The following ZNF138 variants were observed in gnomAD, a reference collection of about 807,000 sequenced individuals.
The protein encoded by ZNF138 is zinc finger protein 138 (clone pHZ-32).
A neutral mutation model predicts 33.0 loss-of-function variants in ZNF138; 33 were observed. The observed-to-expected ratio is 1.00, with a 90% CI of 0.76 to 1.34. The LOEUF (loss-of-function observed/expected upper bound fraction) is 1.34. Among genes scored for constraint, ZNF138 ranks in the 40% most tolerant of loss-of-function variants. The probability of loss-of-function intolerance (pLI) is 0.00; values close to 1 mark genes in which losing one functional copy is unlikely to be tolerated. For synonymous variants in ZNF138, 139 were observed against 120.4 expected, an observed-to-expected ratio of 1.15 and a Z score of -1.01; for missense variants, 360 against 370.8, an observed-to-expected ratio of 0.97 and a Z score of 0.24.
the ZNF138 span, among the ~76,000 whole-genome samples, chr7:64,843,904 G>A: frequency 7.2e-5 from 11 of 151,800 alleles, no homozygotes; most frequent in African/African-American, 1.9e-4. Context: ...GGCTCACTGC[G>A]TCCTTCACCT....
chr7:64,829,952 A>T (rs1789943942), intron 3 of ZNF138, among the ~76,000 whole-genome samples: 1 of 152,138 alleles, frequency 6.6e-6, no homozygotes, highest in Admixed American at 6.5e-5. Context: ...TTTGATATGT[A>T]GCACAAATGG....
chr7:64,809,788 G>A (rs1394766943), intron 1 of ZNF138, among the ~76,000 whole-genome samples: 2 of 140,070 alleles, frequency 1.4e-5, no homozygotes, highest in Non-Finnish European at 3.1e-5. Flanking sequence ...CGGGGTCGCG[G>A]CCGGGCAGAG....
chr7:64,809,673 C>T (rs1372905341), intron 1 of ZNF138, among the ~76,000 whole-genome samples: 58 of 147,392 alleles, frequency 3.9e-4, no homozygotes, highest in African/African-American at 1.3e-3. Flanking sequence ...GGGCTGCTGC[C>T]GGGCGGAGGG....
intron 1 of ZNF138, among the ~76,000 whole-genome samples, chr7:64,810,384 C>A (rs1294630908): frequency 1.9e-5 from 2 of 104,844 alleles, no homozygotes; most frequent in Non-Finnish European, 3.5e-5. Flanking sequence ...TGCAGTGAGC[C>A]GAGATGGCAG....
intron 3 of ZNF138, among the ~76,000 whole-genome samples, chr7:64,818,278 G>A (rs976830924): frequency 6.6e-6 from 1 of 151,690 alleles, no homozygotes; most frequent in Non-Finnish European, 1.5e-5. Context: ...GATCCACCAC[G>A]CCCAGCCTGA....
chr7:64,837,626 GTGT>G (rs754498924), downstream of ZNF138, among the ~76,000 whole-genome samples: 25 of 152,204 alleles, frequency 1.6e-4, no homozygotes, highest in Non-Finnish European at 3.2e-4. Flanking sequence ...ATTTGATTAG[GTGT>G]TGTTTGACAA....
At chr7:64,813,656 G>A (rs933090736) in intron 1 of ZNF138, among the ~76,000 whole-genome samples, 3 of 151,998 alleles carry the variant, frequency 2.0e-5, no homozygotes, top group Non-Finnish European at 4.4e-5. Flanking sequence ...GGATGGTGTC[G>A]ATCTCCTGAC....
chr7:64,853,421 T>C, the ZNF138 span: 3 of 838,268 alleles, frequency 3.6e-6, no homozygotes, highest in Admixed American at 2.3e-5. Context: ...GCTGGGTTCT[T>C]TATGGATCCA....
chr7:64,832,873 C>T lies in ZNF138; in HGVS notation c.*671C>T, dbSNP rs1790206877. 9 of 409,888 alleles carry T rather than the reference C, an allele frequency of 2.2e-5. No homozygotes were observed. Among genetic ancestry groups the T allele is most frequent in the South Asian group, 1.8e-4 (9 of 50,912 alleles). 25.4% of individuals were successfully genotyped at this position (409,888 alleles called of 1,614,324 possible). Reference sequence around the variant, plus strand: ...TGTGGCATATCTTTTAACCAGTTCTCACAACTTGCTATACATAAGATGATT... The same window carrying T: ...TGTGGCATATCTTTTAACCAGTTCTTACAACTTGCTATACATAAGATGATT... On this transcript the variant is annotated 3_prime_UTR_variant, in exon 4 of 4. Transcript: ENST00000307355.
At chr7:64,838,963 TG>T in the ZNF138 span, among the ~76,000 whole-genome samples, 2 of 151,986 alleles carry the variant, frequency 1.3e-5, no homozygotes, top group Non-Finnish European at 2.9e-5. Context: ...GAGACTAAGA[TG>T]GGGGCCGTGG....
At position 64,831,705 on chromosome 7, in the gene ZNF138, A is replaced by C. The variant is rs371168428; in HGVS notation, c.463A>C (p.Asn155His). The C allele has an allele frequency of 6.2e-7, 1 of 1,608,788 alleles. No homozygotes were observed. The highest frequency in any genetic ancestry group is 1.7e-5 in the Admixed American group (1 of 58,918). Reference sequence around the variant, plus strand: ...AGTCATGCATAAATTTTCAAATTCAAATAGACACAAGATAAGACATACTGA... The same window carrying C: ...AGTCATGCATAAATTTTCAAATTCACATAGACACAAGATAAGACATACTGA... Reference protein sequence around the residue: ...VKVMHKFSNSNRHKIRHTENK... With the variant: ...VKVMHKFSNSHRHKIRHTENK... Residue 155 changes from asparagine (N) to histidine (H), a missense_variant, in exon 4 of 4, where the codon AAT becomes CAT. Transcript: ENST00000307355.
At chr7:64,808,330 A>T (rs1038528996) in intron 1 of ZNF138, among the ~76,000 whole-genome samples, 9 of 152,218 alleles carry the variant, frequency 5.9e-5, no homozygotes, top group African/African-American at 9.6e-5. Context: ...ACCCAAAGGG[A>T]TAAACTAATT....
At chr7:64,815,146 T>A in intron 2 of ZNF138, 102 bp downstream of exon 2, 1 of 1,187,902 alleles carries the variant, frequency 8.4e-7, no homozygotes, top group Non-Finnish European at 1.1e-6. Context: ...TTTGCATAAA[T>A]GAGTTTCAGA....
intron 1 of ZNF138, among the ~76,000 whole-genome samples, chr7:64,797,594 T>C (rs1461074933): frequency 6.6e-6 from 1 of 152,022 alleles, no homozygotes; most frequent in African/African-American, 2.4e-5. Context: ...ACCCCAGCCA[T>C]GGAAGAACCT....
the ZNF138 span, among the ~76,000 whole-genome samples, chr7:64,843,928 G>T: frequency 3.9e-5 from 6 of 152,124 alleles, no homozygotes; most frequent in African/African-American, 1.4e-4. Context: ...CAGTCCAAGA[G>T]ATCTCCTGCC....
intron 3 of ZNF138, among the ~76,000 whole-genome samples, chr7:64,823,587 G>A (rs1668827755): frequency 6.6e-6 from 1 of 152,086 alleles, no homozygotes; most frequent in African/African-American, 2.4e-5. Context: ...CTCCCACCTT[G>A]GTCCCCCAAA....
At position 64,832,163 on chromosome 7, in the gene ZNF138, C is replaced by T. The variant is rs771027278; in HGVS notation, c.921C>T (p.Tyr307=). 8.1e-6 allele frequency: 13 copies of T among 1,610,588 alleles called. No individual in the cohort carries two copies. The highest frequency in any genetic ancestry group is 1.0e-5 in the Non-Finnish European group (12 of 1,179,160). The change falls in exon 4 of 4, where the codon TAC becomes TAT. Residue 307 remains tyrosine, a synonymous_variant. Coordinates refer to ENST00000307355, the MANE Select transcript of ZNF138 (RefSeq NM_001271639.2). ...HQIIYTGEEP[Y]KCEECGKAFN... ...TAATTTATACTGGAGAGGAACCATACAAATGTGAGGAATGTGGCAAAGCTT... is the reference window on the plus strand; with the variant it reads ...TAATTTATACTGGAGAGGAACCATATAAATGTGAGGAATGTGGCAAAGCTT...
the ZNF138 span, among the ~76,000 whole-genome samples, chr7:64,839,575 C>T: frequency 2.6e-5 from 4 of 152,022 alleles, no homozygotes; most frequent in East Asian, 1.9e-4. Context: ...GCATGACTCT[C>T]GGCCAGGGAG....
chr7:64,838,201 C>T (rs10251501), downstream of ZNF138, among the ~76,000 whole-genome samples: 5,144 of 152,204 alleles, frequency 0.034, 298 homozygotes, highest in African/African-American at 0.12. Flanking sequence ...AGGGCACCTT[C>T]GCCATCCGAG....
Sources: gnomAD v4.1 joint callset for allele counts (sites outside exome capture counted in the v4.1 genomes callset) on GRCh38, gnomAD v4.1.1 for gene constraint, MANE v1.5 for transcripts, NCBI Gene and HGNC (gene_info 2026-07-23, HGNC 2026-07-21) for gene names.